Variants in SOX5 observed in about 807,000 individuals in gnomAD.
The protein encoded by SOX5 is SRY-box transcription factor 5.
In SOX5, 9 loss-of-function variants were observed where a neutral mutation model predicts 92.0. That is an observed-to-expected ratio of 0.10 (90% CI 0.06 to 0.17). SOX5 has a LOEUF of 0.17. Among genes scored for constraint, SOX5 ranks in the 10% least tolerant of loss-of-function variants. The probability of loss-of-function intolerance (pLI) is 1.00; values close to 1 mark genes in which losing one functional copy is unlikely to be tolerated. For missense variants in SOX5, 642 were observed against 944.5 expected (o/e 0.68, Z 4.20); for synonymous variants, 344 against 336.3 (o/e 1.02, Z -0.25).
intron 2 of SOX5, among the ~76,000 whole-genome samples, chr12:24,310,219 A>G (rs1478563319): frequency 6.6e-6 from 1 of 152,212 alleles, no homozygotes; most frequent in African/African-American, 2.4e-5. Context: ...TACTTGTGTC[A>G]CTTTGGTTTC....
chr12:24,217,534 T>C (rs1352176202), intron 3 of SOX5, among the ~76,000 whole-genome samples: 1 of 152,160 alleles, frequency 6.6e-6, no homozygotes, highest in Non-Finnish European at 1.5e-5. Flanking sequence ...AACTAAACTA[T>C]AAAAGTCTTA....
chr12:24,351,331 CA>C (rs1954060103), intron 2 of SOX5, among the ~76,000 whole-genome samples: 2 of 152,052 alleles, frequency 1.3e-5, no homozygotes. Flanking sequence ...CCCAGCCTAG[CA>C]AAAAAATTTG....
At chr12:24,434,156 T>C (rs112106244) in intron 1 of SOX5, among the ~76,000 whole-genome samples, 2 of 152,186 alleles carry the variant, frequency 1.3e-5, no homozygotes, top group African/African-American at 4.8e-5. Flanking sequence ...ATTAGGAAGT[T>C]ACCAATGACC....
At chr12:23,866,080 TGAAGA>T (rs2096809358) in intron 2 of SOX5, among the ~76,000 whole-genome samples, 1 of 152,220 alleles carries the variant, frequency 6.6e-6, no homozygotes, top group Non-Finnish European at 1.5e-5. Flanking sequence ...CTACTCCTGA[TGAAGA>T]TCCTGTGAAC....
chr12:23,609,323 CTGTT>C (rs1326637415), intron 8 of SOX5, among the ~76,000 whole-genome samples: 4 of 152,138 alleles, frequency 2.6e-5, no homozygotes, highest in African/African-American at 9.7e-5. Context: ...AAGCCACTGA[CTGTT>C]TGAGAGCAAT....
chr12:23,537,629 C>A (rs754094644), intron 13 of SOX5, among the ~76,000 whole-genome samples: 5 of 152,176 alleles, frequency 3.3e-5, no homozygotes, highest in Admixed American at 6.5e-5. Flanking sequence ...TTCCCCCTTT[C>A]TTTTCACTAT....
chr12:24,052,953 A>G (rs1224467794), intron 4 of SOX5, among the ~76,000 whole-genome samples: 1 of 152,168 alleles, frequency 6.6e-6, no homozygotes, highest in Non-Finnish European at 1.5e-5. Flanking sequence ...TCCTCAGTCA[A>G]CTTAGATCAT....
chr12:23,989,248 T>C (rs1950337113), intron 4 of SOX5, among the ~76,000 whole-genome samples: 1 of 145,368 alleles, frequency 6.9e-6, no homozygotes, highest in Admixed American at 6.9e-5. Flanking sequence ...AAAAATTAGC[T>C]AGGCGTGGTG....
At chr12:23,640,992 T>TGGAAA in intron 7 of SOX5, 95 bp from the exon 8 acceptor site, 1 of 810,642 alleles carries the variant, frequency 1.2e-6, no homozygotes, top group Non-Finnish European at 2.0e-6. Flanking sequence ...AGCCTTCTTT[T>TGGAAA]GTGTGCCTTG....
intron 4 of SOX5, among the ~76,000 whole-genome samples, chr12:23,753,199 T>G (rs1292753307): frequency 6.6e-6 from 1 of 151,792 alleles, no homozygotes; most frequent in Non-Finnish European, 1.5e-5. Flanking sequence ...AAGAAACACT[T>G]CTCTAAACCC....
chr12:24,389,549 C>G (rs1958780653), intron 1 of SOX5, among the ~76,000 whole-genome samples: 1 of 152,188 alleles, frequency 6.6e-6, no homozygotes, highest in African/African-American at 2.4e-5. Flanking sequence ...ATTAGCTATT[C>G]TTCCTGACAT....
At chr12:24,166,785 T>C (rs1953464438) in intron 4 of SOX5, among the ~76,000 whole-genome samples, 1 of 152,242 alleles carries the variant, frequency 6.6e-6, no homozygotes. Flanking sequence ...CTTTGTTTAC[T>C]CATTCCTCCC....
chr12:24,452,037 C>A (rs1426062793), intron 1 of SOX5, among the ~76,000 whole-genome samples: 2 of 152,196 alleles, frequency 1.3e-5, no homozygotes, highest in African/African-American at 2.4e-5. Flanking sequence ...AACACATGTT[C>A]TGACTGGCTA....
chr12:24,004,345 T>C (rs1031277620), intron 4 of SOX5, among the ~76,000 whole-genome samples: 6 of 151,184 alleles, frequency 4.0e-5, no homozygotes, highest in South Asian at 2.1e-4. Context: ...ATGTAAGCCA[T>C]TGACAAAGAA....
chr12:24,057,973 CTG>C (rs1958297570), intron 4 of SOX5, among the ~76,000 whole-genome samples: 2 of 152,198 alleles, frequency 1.3e-5, no homozygotes, highest in South Asian at 2.1e-4. Flanking sequence ...GTATTTTCTT[CTG>C]TGTTTCAAAA....
At chr12:24,049,738 T>C (rs1957384453) in intron 4 of SOX5, among the ~76,000 whole-genome samples, 1 of 142,370 alleles carries the variant, frequency 7.0e-6, no homozygotes, top group Non-Finnish European at 1.5e-5. Flanking sequence ...GGACCAGTTC[T>C]CTGGAGATAA....
At chr12:24,251,729 G>A (rs1158936288) in intron 3 of SOX5, among the ~76,000 whole-genome samples, 2 of 151,606 alleles carry the variant, frequency 1.3e-5, no homozygotes, top group Non-Finnish European at 2.9e-5. Context: ...CTGCCACCAC[G>A]CCCAGCTAAT....
intron 7 of SOX5, among the ~76,000 whole-genome samples, chr12:23,644,591 T>C (rs1316621989): frequency 6.6e-6 from 1 of 152,174 alleles, no homozygotes; most frequent in Non-Finnish European, 1.5e-5. Flanking sequence ...AAGCAAACTT[T>C]ATAAGAAGGT....
At chr12:24,021,718 C>T (rs1001319865) in intron 4 of SOX5, among the ~76,000 whole-genome samples, 1 of 152,162 alleles carries the variant, frequency 6.6e-6, no homozygotes, top group African/African-American at 2.4e-5. Context: ...AGATGATTCA[C>T]TGGAGTGCTT....
Sources: gnomAD v4.1 joint callset for allele counts (sites outside exome capture counted in the v4.1 genomes callset) on GRCh38, gnomAD v4.1.1 for gene constraint, MANE v1.5 for transcripts, NCBI Gene and HGNC (gene_info 2026-07-23, HGNC 2026-07-21) for gene names.